The following PAX7 variants were observed in gnomAD, a reference collection of about 807,000 sequenced individuals.
The protein encoded by PAX7 is paired box 7.
In PAX7, 18 loss-of-function variants were observed where a neutral mutation model predicts 50.7. The ratio of observed to expected loss-of-function variants is 0.36; its 90% CI spans 0.25 to 0.53. The LOEUF (loss-of-function observed/expected upper bound fraction) is 0.53. Ranked by LOEUF, PAX7 falls within the 20% of genes least tolerant of loss-of-function variation. PAX7 has a pLI of 0.93. For missense variants in PAX7, 644 were observed against 702.9 expected, an observed-to-expected ratio of 0.92 and a Z score of 0.95; for synonymous variants, 310 against 290.4, an observed-to-expected ratio of 1.07 and a Z score of -0.69.
intron 4 of PAX7, among the ~76,000 whole-genome samples, chr1:18,645,061 C>T (rs1032941922): frequency 6.6e-6 from 1 of 152,212 alleles, no homozygotes; most frequent in African/African-American, 2.4e-5. Flanking sequence ...TGTGTGTTTA[C>T]CTGGATAGCT....
Position 18,666,296 on chromosome 1 carries a change from A to T in PAX7, c.587-25458A>T, listed in dbSNP as rs1176686024. On this transcript the variant is annotated intron_variant, in intron 4 of 8. Transcript: ENST00000420770. ...CTCTGCAGACCAGGGCTGAAGGCCA[A>T]CTCCAAACCTTGGGTCTGTCCCCCA... Among the ~76,000 whole-genome samples, 6 of 152,166 alleles carry T rather than the reference A, an allele frequency of 3.9e-5. No individual in the cohort carries two copies. In the East Asian group the frequency reaches 5.8e-4, roughly 15 times the overall value.
chr1:18,699,779 T>G (rs1279479306), intron 5 of PAX7, among the ~76,000 whole-genome samples: 1 of 152,022 alleles, frequency 6.6e-6, no homozygotes, highest in Non-Finnish European at 1.5e-5. Context: ...GCCAGGATGG[T>G]CTCAATCTCC....
At chr1:18,714,379 G>A (rs950919176) in intron 7 of PAX7, among the ~76,000 whole-genome samples, 15 of 152,078 alleles carry the variant, frequency 9.9e-5, no homozygotes, top group African/African-American at 2.7e-4. Context: ...AATTAAATGC[G>A]ATTGTTCATG....
intron 6 of PAX7, among the ~76,000 whole-genome samples, chr1:18,701,334 G>A (rs1196976320): frequency 1.3e-5 from 2 of 152,194 alleles, no homozygotes; most frequent in African/African-American, 4.8e-5. Context: ...GTGCATGAGT[G>A]TGTGCGTGTG....
intron 4 of PAX7, among the ~76,000 whole-genome samples, chr1:18,687,005 C>A (rs376319588): frequency 3.9e-5 from 6 of 151,984 alleles, no homozygotes; most frequent in African/African-American, 1.2e-4. Flanking sequence ...ATTCTCCTGC[C>A]TCAGCCTCTC....
rs2089208439 is a variant in PAX7 at position 18,700,730 on chromosome 1, G to T, written c.864G>T (p.Leu288=). 1.2e-6 allele frequency: 2 copies of T among 1,600,574 alleles called. No homozygotes were observed. Among genetic ancestry groups the T allele is most frequent in the Admixed American group, 1.7e-5 (1 of 58,156 alleles). Residue 288 remains leucine (L), a synonymous_variant, in exon 6 of 9, where the codon CTG becomes CTT. Transcript: ENST00000420770. This position sits in a 1 kb window ranked among gnomAD's most constrained non-coding sequence, Gnocchi z 4.8. ...AGCTGGCGGCGTTCAACCACCTTCTGCCAGGAGGCTTCCCACCCACCGGCA... is the reference window on the plus strand; with the variant it reads ...AGCTGGCGGCGTTCAACCACCTTCTTCCAGGAGGCTTCCCACCCACCGGCA... The part of the protein sequence containing the change: ...ANQLAAFNHL[L]PGGFPPTGMP...
At chr1:18,728,450 G>A (rs149499968) in intron 7 of PAX7, among the ~76,000 whole-genome samples, 5 of 152,084 alleles carry the variant, frequency 3.3e-5, no homozygotes, top group Non-Finnish European at 7.4e-5. Flanking sequence ...CCATATCTTC[G>A]CCTGTATGAG....
At chr1:18,684,200 G>A (rs2088941520) in intron 4 of PAX7, among the ~76,000 whole-genome samples, 1 of 152,206 alleles carries the variant, frequency 6.6e-6, no homozygotes, top group Non-Finnish European at 1.5e-5. Context: ...AGATGGGGTG[G>A]GCGGATGCCA....
At chr1:18,638,247 G>T (rs2088194107) in intron 4 of PAX7, among the ~76,000 whole-genome samples, 2 of 152,226 alleles carry the variant, frequency 1.3e-5, no homozygotes, top group Non-Finnish European at 2.9e-5. Flanking sequence ...AGAAAAAAGG[G>T]AAGGGAAGGA....
chr1:18,638,906 G>A (rs2088204017), intron 4 of PAX7, among the ~76,000 whole-genome samples: 1 of 152,198 alleles, frequency 6.6e-6, no homozygotes, highest in Non-Finnish European at 1.5e-5. Flanking sequence ...CTCCATCCGA[G>A]TAATCCAGGT....
At chr1:18,679,265 T>C (rs1033807138) in intron 4 of PAX7, among the ~76,000 whole-genome samples, 1 of 152,202 alleles carries the variant, frequency 6.6e-6, no homozygotes, top group East Asian at 1.9e-4. Context: ...AAAGCCATTT[T>C]CCATCTCCAC....
Position 18,700,468 on chromosome 1 carries a change from G to A in PAX7, c.787-185G>A, listed in dbSNP as rs187210605. ...AACCCCCTCACTGGTGGTTGTGAGG[G>A]CAGAATGGGGTCATACCTATGAAAT... On this transcript the variant is annotated intron_variant, in intron 5 of 8. Transcript: ENST00000420770. This position sits in a 1 kb window ranked among gnomAD's most constrained non-coding sequence, Gnocchi z 4.8. Among the ~76,000 whole-genome samples the A allele has an allele frequency of 1.5e-3, 224 of 152,252 alleles. 3 individuals carry two copies. Among genetic ancestry groups the A allele is most frequent in the Non-Finnish European group, 1.0e-4 (7 of 68,012 alleles).
Position 18,631,546 on chromosome 1 carries a change from G to T in PAX7, c.-58G>T, listed in dbSNP as rs2088045865. The T allele has an allele frequency of 7.2e-7, 1 of 1,389,970 alleles. No individual in the cohort carries two copies. The highest frequency in any genetic ancestry group is 1.8e-5 in the Admixed American group (1 of 54,668). 86.1% of individuals were successfully genotyped at this position (1,389,970 alleles called of 1,614,324 possible). Reference sequence around the variant, plus strand: ...AGAAAGAGATCGCAGCAGGGGTGAAGGGAGCGGACGGGAAGCGATTTTTGC... The same window carrying T: ...AGAAAGAGATCGCAGCAGGGGTGAATGGAGCGGACGGGAAGCGATTTTTGC... On this transcript the variant is annotated 5_prime_UTR_variant, in exon 1 of 9. The change creates a new upstream start codon in the 5' untranslated region. Transcript: ENST00000420770.
intron 4 of PAX7, among the ~76,000 whole-genome samples, chr1:18,660,658 CCA>C (rs1449381473): frequency 6.6e-6 from 1 of 152,160 alleles, no homozygotes; most frequent in African/African-American, 2.4e-5. Flanking sequence ...CCTACTAGCC[CCA>C]GAGAGCTGAC....
At chr1:18,698,645 C>CCATT (rs1459621914) in intron 5 of PAX7, among the ~76,000 whole-genome samples, 1 of 152,246 alleles carries the variant, frequency 6.6e-6, no homozygotes, top group Non-Finnish European at 1.5e-5. Flanking sequence ...GGAGGCAAGG[C>CCATT]CATTCCTTGC....
intron 4 of PAX7, among the ~76,000 whole-genome samples, chr1:18,640,197 A>AG (rs1051047770): frequency 1.5e-4 from 23 of 152,166 alleles, no homozygotes; most frequent in African/African-American, 5.3e-4. Context: ...ATCGGAAAGG[A>AG]GGGGAGAGCC....
intron 5 of PAX7, among the ~76,000 whole-genome samples, chr1:18,698,402 G>T (rs1188573185): frequency 6.6e-6 from 1 of 151,942 alleles, no homozygotes. Context: ...GATTGGCACA[G>T]GTTAGAAAGG....
intron 5 of PAX7, among the ~76,000 whole-genome samples, chr1:18,699,492 A>G (rs2089188620): frequency 6.6e-6 from 1 of 151,942 alleles, no homozygotes; most frequent in Admixed American, 6.6e-5. Flanking sequence ...GTGCACCCTC[A>G]TTCTCCTCTT....
rs896645561 is a variant in PAX7, at chr1:18,634,769, C to T, written c.321+231C>T. 2.6e-5 allele frequency among the ~76,000 whole-genome samples: 4 copies of T among 152,224 alleles called. No individual in the cohort carries two copies. The highest frequency in any genetic ancestry group is 5.9e-5 in the Non-Finnish European group (4 of 68,032). Reference sequence around the variant, plus strand: ...TTGAGGCCAATGAGCCATTCCTGGACTGTCCCCACATTTGCCTCAACCCCT... The same window carrying T: ...TTGAGGCCAATGAGCCATTCCTGGATTGTCCCCACATTTGCCTCAACCCCT... On this transcript the variant is annotated intron_variant, in intron 2 of 8. Transcript: ENST00000420770. This position sits in a 1 kb window ranked among gnomAD's most constrained non-coding sequence, Gnocchi z 4.0.
Sources: gnomAD v4.1 joint callset for allele counts (sites outside exome capture counted in the v4.1 genomes callset) on GRCh38, gnomAD v4.1.1 for gene constraint, Gnocchi (gnomAD v3.1) non-coding constraint, MANE v1.5 for transcripts, NCBI Gene and HGNC (gene_info 2026-07-23, HGNC 2026-07-21) for gene names.